The following DNER variants were observed in gnomAD, a reference collection of about 807,000 sequenced individuals.
DNER encodes the protein delta and Notch-like epidermal growth factor-related receptor.
In DNER, 33 loss-of-function variants were observed where a neutral mutation model predicts 78.2. That is an observed-to-expected ratio of 0.42 (90% CI 0.32 to 0.56). The LOEUF (loss-of-function observed/expected upper bound fraction) is 0.56. Ranked by LOEUF, DNER falls within the 20% of genes least tolerant of loss-of-function variation. DNER has a pLI of 0.11. For synonymous variants in DNER, 417 were observed against 384.8 expected, an observed-to-expected ratio of 1.08 and a Z score of -0.98; for missense variants, 918 against 975.3, an observed-to-expected ratio of 0.94 and a Z score of 0.78.
intron 12 of DNER, among the ~76,000 whole-genome samples, chr2:229,366,312 C>T (rs988123391): frequency 2.0e-4 from 30 of 152,130 alleles, no homozygotes; most frequent in African/African-American, 6.8e-4. Flanking sequence ...TCTAAACTAC[C>T]GAGTCAGGTA....
At chr2:229,530,843 T>A (rs1482526310) in intron 5 of DNER, among the ~76,000 whole-genome samples, 2 of 152,212 alleles carry the variant, frequency 1.3e-5, no homozygotes, top group Non-Finnish European at 2.9e-5. Flanking sequence ...ATGGAATGAT[T>A]CCCCTGTTAC....
chr2:229,428,067 T>A (rs1334316432), intron 8 of DNER, among the ~76,000 whole-genome samples: 1 of 121,740 alleles, frequency 8.2e-6, no homozygotes, highest in African/African-American at 3.5e-5. Flanking sequence ...AGAGCGAGAT[T>A]CCATCTCAAA....
chr2:229,646,056 C>A (rs1479214011), intron 1 of DNER, among the ~76,000 whole-genome samples: 1 of 152,184 alleles, frequency 6.6e-6, no homozygotes, highest in Non-Finnish European at 1.5e-5. Context: ...GGATTCTAAT[C>A]TTTTTTCTGT....
chr2:229,573,266 G>A (rs1050093456), intron 4 of DNER, among the ~76,000 whole-genome samples: 3 of 152,184 alleles, frequency 2.0e-5, no homozygotes, highest in African/African-American at 4.8e-5. Flanking sequence ...AAGAATGCAC[G>A]TGAATACCAA....
rs561392117 is a variant in DNER at position 229,581,294 on chromosome 2, A to C, written c.847+4564T>G. 1.5e-4 allele frequency among the ~76,000 whole-genome samples: 23 copies of C among 152,338 alleles called. No individual in the cohort carries two copies. The East Asian group carries it at 4.4e-3, about 29-fold the overall frequency. ...AGGCAAGCCATAACTGTTTCATGGA[A>C]ATGTGACTGGAGCAATGAATTTGAC... On this transcript the variant is annotated intron_variant, in intron 4 of 12. Coordinates refer to ENST00000341772, the MANE Select transcript of DNER (RefSeq NM_139072.4).
intron 5 of DNER, among the ~76,000 whole-genome samples, chr2:229,516,776 C>T (rs1189944480): frequency 1.1e-4 from 14 of 127,148 alleles, no homozygotes; most frequent in Admixed American, 1.0e-3. Flanking sequence ...CAGAATGGGA[C>T]GCTGTCTCTA....
intron 1 of DNER, among the ~76,000 whole-genome samples, chr2:229,642,291 T>C (rs1342845200): frequency 6.6e-6 from 1 of 152,228 alleles, no homozygotes; most frequent in Non-Finnish European, 1.5e-5. Flanking sequence ...ATTTTCATTT[T>C]TACCCGAGAA....
intron 4 of DNER, among the ~76,000 whole-genome samples, chr2:229,575,858 A>G (rs1483552702): frequency 3.3e-5 from 5 of 152,244 alleles, no homozygotes; most frequent in Non-Finnish European, 7.3e-5. Flanking sequence ...CCTAAAATCC[A>G]TTAAGTAATA....
At chr2:229,438,735 G>C (rs1199947732) in intron 8 of DNER, among the ~76,000 whole-genome samples, 4 of 152,068 alleles carry the variant, frequency 2.6e-5, no homozygotes, top group African/African-American at 9.7e-5. Flanking sequence ...GAAAAATCTG[G>C]TTAGAATACC....
intron 10 of DNER, among the ~76,000 whole-genome samples, chr2:229,389,108 C>T (rs73098239): frequency 6.6e-6 from 1 of 152,082 alleles, no homozygotes; most frequent in South Asian, 2.1e-4. Context: ...CTAAACCTGA[C>T]CTAATCTCTT....
At chr2:229,377,739 T>C (rs1302676510) in intron 11 of DNER, among the ~76,000 whole-genome samples, 1 of 152,194 alleles carries the variant, frequency 6.6e-6, no homozygotes, top group Non-Finnish European at 1.5e-5. Context: ...ACTAGGGTGA[T>C]GCGTTAACAG....
At chr2:229,466,188 G>A (rs569847955) in intron 7 of DNER, among the ~76,000 whole-genome samples, 1 of 152,142 alleles carries the variant, frequency 6.6e-6, no homozygotes, top group Admixed American at 6.5e-5. Context: ...TGGGCCATGT[G>A]CAATCCACTT....
At chr2:229,488,340 G>A (rs1394657092) in intron 6 of DNER, among the ~76,000 whole-genome samples, 3 of 152,212 alleles carry the variant, frequency 2.0e-5, no homozygotes, top group African/African-American at 7.2e-5. Context: ...GCATGTCTGC[G>A]TGCATGTGTG....
chr2:229,648,822 T>C (rs1441471271), intron 1 of DNER, among the ~76,000 whole-genome samples: 1 of 152,240 alleles, frequency 6.6e-6, no homozygotes, highest in African/African-American at 2.4e-5. Context: ...AAAAAGCTAA[T>C]AGACATTTCT....
chr2:229,571,927 A>G (rs1429314954), intron 4 of DNER, among the ~76,000 whole-genome samples: 2 of 151,668 alleles, frequency 1.3e-5, no homozygotes, highest in Non-Finnish European at 2.9e-5. Flanking sequence ...AACACTCCCC[A>G]TGTTATATCT....
chr2:229,388,205 A>G (rs572212590), intron 11 of DNER, 60 bp downstream of exon 11: 182 of 1,530,772 alleles, frequency 1.2e-4, no homozygotes, highest in Non-Finnish European at 1.6e-4. Context: ...CATGAAGGAA[A>G]ATGCTTAAGT....
chr2:229,430,982 G>C (rs1461907163), intron 8 of DNER, among the ~76,000 whole-genome samples: 1 of 151,842 alleles, frequency 6.6e-6, no homozygotes, highest in African/African-American at 2.4e-5. Flanking sequence ...TGAGATGCAG[G>C]GAACAGACAT....
chr2:229,518,996 G>C (rs1420982056), intron 5 of DNER, among the ~76,000 whole-genome samples: 1 of 150,522 alleles, frequency 6.6e-6, no homozygotes, highest in Non-Finnish European at 1.5e-5. Context: ...TGTAAGCTCA[G>C]GGTCTAGTTG....
At chr2:229,535,827 T>A (rs1245495280) in intron 5 of DNER, among the ~76,000 whole-genome samples, 1 of 151,418 alleles carries the variant, frequency 6.6e-6, no homozygotes, top group Non-Finnish European at 1.5e-5. Context: ...TATTTTTAGT[T>A]GAGACGGGGT....
Sources: gnomAD v4.1 joint callset for allele counts (sites outside exome capture counted in the v4.1 genomes callset) on GRCh38, gnomAD v4.1.1 for gene constraint, MANE v1.5 for transcripts, NCBI Gene and HGNC (gene_info 2026-07-23, HGNC 2026-07-21) for gene names.